MECOM: variants seen among roughly 807,000 people sequenced by gnomAD.
The protein encoded by MECOM is MDS1 and EVI1 complex locus.
Under a neutral mutation model 116.3 loss-of-function variants are expected in MECOM, and 13 were observed. The ratio of observed to expected loss-of-function variants is 0.11; its 90% CI spans 0.07 to 0.18. The LOEUF (loss-of-function observed/expected upper bound fraction) is 0.18, where lower values mean the gene tolerates loss of function less well. MECOM is among the 10% of genes least tolerant of loss of function. The pLI, the probability that MECOM is intolerant of heterozygous loss-of-function variation, is 1.00. For synonymous variants in MECOM, 528 were observed against 535.2 expected (o/e 0.99, Z 0.19); for missense variants, 1,299 against 1,509.0 (o/e 0.86, Z 2.31).
At chr3:169,253,818 C>T (rs1756540120) in intron 2 of MECOM, among the ~76,000 whole-genome samples, 1 of 151,982 alleles carries the variant, frequency 6.6e-6, no homozygotes, top group Non-Finnish European at 1.5e-5. Context: ...ATGATCTACC[C>T]TAATCATATT....
chr3:169,562,205 GAGC>G (rs1762742644), intron 1 of MECOM, among the ~76,000 whole-genome samples: 1 of 120,290 alleles, frequency 8.3e-6, no homozygotes, highest in South Asian at 3.0e-4. Flanking sequence ...AAGAAACAAT[GAGC>G]ACCTAAAACA....
intron 12 of MECOM, among the ~76,000 whole-genome samples, chr3:169,099,846 A>C: frequency 6.6e-6 from 1 of 152,068 alleles, no homozygotes. Context: ...TAAAATTGGA[A>C]AGAGTAATGT....
chr3:169,089,239 A>C (rs940430695), intron 15 of MECOM, 56 bp from the exon 16 acceptor site: 2 of 1,284,620 alleles, frequency 1.6e-6, no homozygotes, highest in Non-Finnish European at 2.1e-6. Context: ...TATCTAATCA[A>C]ATCACTTTCA....
intron 2 of MECOM, among the ~76,000 whole-genome samples, chr3:169,289,090 T>G (rs965852158): frequency 6.6e-6 from 1 of 152,248 alleles, no homozygotes; most frequent in Non-Finnish European, 1.5e-5. Context: ...TATCAGATGG[T>G]AGACATTTAA....
Position 169,202,202 on chromosome 3 carries a change from A to T in MECOM, c.376-58370T>A, listed in dbSNP as rs2421572. 4.3e-3 allele frequency among the ~76,000 whole-genome samples: 653 copies of T among 152,316 alleles called. 4 individuals carry two copies. The highest frequency in any genetic ancestry group is 0.015 in the African/African-American group (632 of 41,594). On this transcript the variant is annotated intron_variant, in intron 2 of 16. Transcript: ENST00000651503. ...CAAAAAACAAAAAGTGAAGACAAAA[A>T]ATATACTTCTTACCACCTTTTTAAA...
At chr3:169,135,640 C>T (rs1329344879) in intron 3 of MECOM, among the ~76,000 whole-genome samples, 1 of 151,930 alleles carries the variant, frequency 6.6e-6, no homozygotes, top group Admixed American at 6.6e-5. Flanking sequence ...TAACCTAACT[C>T]CCATACATCT....
At chr3:169,239,165 TC>T (rs1675356917) in intron 2 of MECOM, among the ~76,000 whole-genome samples, 1 of 152,156 alleles carries the variant, frequency 6.6e-6, no homozygotes, top group Non-Finnish European at 1.5e-5. Context: ...AGTAAATTGT[TC>T]AGTTTGGCTA....
In MECOM at chr3:169,092,935, T is replaced by C. The variant is rs181338427; in HGVS notation, c.3164+23A>G. The stretch of plus-strand genomic sequence containing the variant: ...TGTTCATTTCAGTCGTCACAGAGTT[T>C]AAAAAGTAAAAGACAGCTTTACCTC... On this transcript the variant is annotated intron_variant, in intron 14 of 16. Transcript: ENST00000651503. 184 of 1,613,414 alleles carry C rather than the reference T, an allele frequency of 1.1e-4. No individual in the cohort carries two copies. The East Asian group carries it at 3.8e-3, about 34-fold the overall frequency.
At chr3:169,089,880 C>T in intron 15 of MECOM, 120 bp downstream of exon 15, 3 of 1,452,814 alleles carry the variant, frequency 2.1e-6, no homozygotes, top group Non-Finnish European at 2.7e-6. Context: ...CCATGTATCC[C>T]TTACTAATTC....
At chr3:169,596,774 G>A (rs541987968) in intron 1 of MECOM, among the ~76,000 whole-genome samples, 31 of 152,084 alleles carry the variant, frequency 2.0e-4, no homozygotes, top group African/African-American at 7.5e-4. Flanking sequence ...AATGACCTCA[G>A]TGTATTCTGA....
chr3:169,465,478 A>G (rs1748135722), intron 1 of MECOM, among the ~76,000 whole-genome samples: 1 of 152,222 alleles, frequency 6.6e-6, no homozygotes. Context: ...AAAGACAGCC[A>G]TTGATTAAAT....
intron 1 of MECOM, among the ~76,000 whole-genome samples, chr3:169,620,144 A>G (rs1770535019): frequency 6.6e-6 from 1 of 152,240 alleles, no homozygotes; most frequent in Non-Finnish European, 1.5e-5. Context: ...TTTTAACACA[A>G]GGCTCAGAGG....
Position 169,366,917 on chromosome 3 carries a change from T to C in MECOM, c.375+14270A>G, listed in dbSNP as rs1729259132. 2.6e-5 allele frequency among the ~76,000 whole-genome samples: 4 copies of C among 152,004 alleles called. 1 individual carries two copies. Among genetic ancestry groups the C allele is most frequent in the Admixed American group, 2.6e-4 (4 of 15,258 alleles). Reference sequence around the variant, plus strand: ...GCCATAGAAAGTACATACACACACATCTTCTATGAAAGGAAAACCCTAAGT... The same window carrying C: ...GCCATAGAAAGTACATACACACACACCTTCTATGAAAGGAAAACCCTAAGT... On this transcript the variant is annotated intron_variant, in intron 2 of 16. Coordinates refer to ENST00000651503, the MANE Select transcript of MECOM (RefSeq NM_004991.4).
intron 1 of MECOM, among the ~76,000 whole-genome samples, chr3:169,387,872 T>C (rs929547944): frequency 4.6e-5 from 7 of 152,188 alleles, no homozygotes; most frequent in South Asian, 2.1e-4. Context: ...AACTAGGGAA[T>C]TGAACAGATT....
At chr3:169,474,861 A>G (rs1017070730) in intron 1 of MECOM, among the ~76,000 whole-genome samples, 5 of 152,158 alleles carry the variant, frequency 3.3e-5, no homozygotes, top group Non-Finnish European at 7.4e-5. Context: ...TAATCAATCT[A>G]TATTGATATC....
intron 2 of MECOM, among the ~76,000 whole-genome samples, chr3:169,318,782 G>C (rs1475967711): frequency 6.6e-6 from 1 of 152,102 alleles, no homozygotes; most frequent in East Asian, 1.9e-4. Flanking sequence ...ATACCCAAAG[G>C]ATTATAAATC....
intron 2 of MECOM, among the ~76,000 whole-genome samples, chr3:169,234,206 G>A (rs1753752288): frequency 1.3e-5 from 2 of 151,868 alleles, no homozygotes; most frequent in Admixed American, 1.3e-4. Context: ...GAAAAGGTGA[G>A]TTTCTGCCCA....
chr3:169,628,865 C>T (rs1156423363), intron 1 of MECOM, among the ~76,000 whole-genome samples: 1 of 152,032 alleles, frequency 6.6e-6, no homozygotes, highest in Non-Finnish European at 1.5e-5. Flanking sequence ...AGAAAGTCAG[C>T]TATTGGGCCC....
intron 1 of MECOM, among the ~76,000 whole-genome samples, chr3:169,467,908 A>G (rs1363803546): frequency 2.6e-5 from 4 of 152,158 alleles, no homozygotes; most frequent in Non-Finnish European, 5.9e-5. Context: ...TAGGGATGTA[A>G]ATAAACATCT....
Sources: allele counts gnomAD v4.1 joint callset (sites outside exome capture counted in the v4.1 genomes callset), GRCh38; gene constraint gnomAD v4.1.1; transcripts MANE v1.5; gene names NCBI Gene and HGNC (gene_info 2026-07-23, HGNC 2026-07-21).